PHACTR1: variants seen among roughly 807,000 people sequenced by gnomAD.
PHACTR1 encodes the protein RPEL repeat containing 1.
Under a neutral mutation model 69.2 loss-of-function variants are expected in PHACTR1, and 16 were observed. That is an observed-to-expected ratio of 0.23 (90% CI 0.16 to 0.35). PHACTR1 has a LOEUF of 0.35. Among genes scored for constraint, PHACTR1 ranks in the 10% least tolerant of loss-of-function variants. The pLI is 1.00. For missense variants in PHACTR1, 510 were observed against 734.7 expected (o/e 0.69, Z 3.54); for synonymous variants, 312 against 284.5 (o/e 1.10, Z -0.97).
intron 4 of PHACTR1, among the ~76,000 whole-genome samples, chr6:13,022,967 A>AGAT (rs756451735): frequency 2.6e-4 from 40 of 152,228 alleles, no homozygotes; most frequent in South Asian, 1.2e-3. Flanking sequence ...CAGTGAGCTG[A>AGAT]GATCACACCA....
At chr6:13,113,236 T>A (rs1216233040) in intron 5 of PHACTR1, among the ~76,000 whole-genome samples, 2 of 152,112 alleles carry the variant, frequency 1.3e-5, no homozygotes, top group Non-Finnish European at 2.9e-5. Context: ...GAAATAAATT[T>A]TTAGTAAAAG....
intron 4 of PHACTR1, among the ~76,000 whole-genome samples, chr6:12,804,633 G>A (rs1213479030): frequency 3.3e-5 from 5 of 152,124 alleles, no homozygotes; most frequent in Non-Finnish European, 7.4e-5. Context: ...ATGAGCTTGG[G>A]CAACATGGCG....
chr6:12,964,173 A>T (rs888233141), intron 4 of PHACTR1, among the ~76,000 whole-genome samples: 5 of 152,342 alleles, frequency 3.3e-5, no homozygotes, highest in Non-Finnish European at 5.9e-5. Flanking sequence ...AGCATTTATT[A>T]TCTACTGTTC....
At chr6:12,850,477 C>T (rs955409819) in intron 4 of PHACTR1, among the ~76,000 whole-genome samples, 1 of 152,202 alleles carries the variant, frequency 6.6e-6, no homozygotes, top group Admixed American at 6.5e-5. Context: ...AACTTTACTT[C>T]TTCATCATTT....
chr6:12,985,257 C>T (rs1462228953), intron 4 of PHACTR1, among the ~76,000 whole-genome samples: 1 of 123,902 alleles, frequency 8.1e-6, no homozygotes, highest in East Asian at 2.0e-4. Context: ...GTTCAATTTT[C>T]TCGAACCATA....
rs374759920 is a variant in PHACTR1 at position 13,141,111 on chromosome 6, G to A, written c.416-19093G>A. Reference sequence around the variant, plus strand: ...AGTATGCCAGAAAGAAAAAGAAAATGGGTTTGACAGTTTGCATTTGCCTTT... The same window carrying A: ...AGTATGCCAGAAAGAAAAAGAAAATAGGTTTGACAGTTTGCATTTGCCTTT... On this transcript the variant is annotated intron_variant, in intron 5 of 14. Transcript: ENST00000332995. Among the ~76,000 whole-genome samples the A allele has an allele frequency of 2.6e-5, 4 of 152,276 alleles. No individual in the cohort carries two copies. The East Asian group carries it at 7.7e-4, about 29-fold the overall frequency.
intron 5 of PHACTR1, among the ~76,000 whole-genome samples, chr6:13,136,894 A>G (rs1384755098): frequency 6.6e-6 from 1 of 152,210 alleles, no homozygotes; most frequent in Non-Finnish European, 1.5e-5. Flanking sequence ...AACGATTACA[A>G]TAGTAACATC....
At chr6:13,225,435 C>G (rs1256469237) in intron 8 of PHACTR1, among the ~76,000 whole-genome samples, 2 of 152,160 alleles carry the variant, frequency 1.3e-5, no homozygotes, top group Non-Finnish European at 2.9e-5. Flanking sequence ...TAGCATGGTA[C>G]CTGGTACCTT....
chr6:12,833,937 C>T (rs924114742), intron 4 of PHACTR1, among the ~76,000 whole-genome samples: 2 of 152,066 alleles, frequency 1.3e-5, no homozygotes, highest in Admixed American at 6.6e-5. Context: ...AGTGGTCTTC[C>T]CTGATTATCC....
At chr6:12,738,406 T>C (rs1458576386) in intron 3 of PHACTR1, among the ~76,000 whole-genome samples, 1 of 152,238 alleles carries the variant, frequency 6.6e-6, no homozygotes, top group Non-Finnish European at 1.5e-5. Flanking sequence ...GGGGAAACTT[T>C]AAGGCCATGA....
intron 4 of PHACTR1, among the ~76,000 whole-genome samples, chr6:13,045,130 T>C (rs1409061733): frequency 6.6e-6 from 1 of 152,238 alleles, no homozygotes; most frequent in Non-Finnish European, 1.5e-5. Context: ...TGAGGAGACA[T>C]TCTTGCAAAT....
intron 8 of PHACTR1, among the ~76,000 whole-genome samples, chr6:13,207,755 T>C (rs1386141937): frequency 6.6e-6 from 1 of 152,198 alleles, no homozygotes; most frequent in Non-Finnish European, 1.5e-5. Context: ...GACTGTGAGC[T>C]GAATGCTTGT....
At chr6:13,205,539 G>T (rs1765778946) in intron 7 of PHACTR1, among the ~76,000 whole-genome samples, 1 of 152,184 alleles carries the variant, frequency 6.6e-6, no homozygotes, top group South Asian at 2.1e-4. Context: ...CACTATCTGG[G>T]CCGCTCCCAA....
At chr6:13,278,406 C>G in intron 12 of PHACTR1, 77 bp downstream of exon 12, 1 of 1,377,736 alleles carries the variant, frequency 7.3e-7, no homozygotes, top group East Asian at 2.5e-5. Context: ...CTGCTGGCCT[C>G]AGTGGCCTCA....
At chr6:12,717,348 T>C (rs910461614) in intron 1 of PHACTR1, among the ~76,000 whole-genome samples, 161 bp from the exon 2 acceptor site, 1 of 152,122 alleles carries the variant, frequency 6.6e-6, no homozygotes, top group African/African-American at 2.4e-5. Context: ...AAATAAACAA[T>C]GAAGACATAA....
At chr6:12,799,017 A>C (rs1163625279) in intron 4 of PHACTR1, among the ~76,000 whole-genome samples, 1 of 151,682 alleles carries the variant, frequency 6.6e-6, no homozygotes, top group East Asian at 1.9e-4. Flanking sequence ...GAAGATCTCT[A>C]GGTAGCAAAT....
At chr6:13,038,048 G>A (rs1399487959) in intron 4 of PHACTR1, among the ~76,000 whole-genome samples, 1 of 152,152 alleles carries the variant, frequency 6.6e-6, no homozygotes, top group East Asian at 1.9e-4. Context: ...GTGAAGATGA[G>A]GTGCCTATGA....
At chr6:13,015,429 A>G (rs1582973451) in intron 4 of PHACTR1, among the ~76,000 whole-genome samples, 1 of 152,148 alleles carries the variant, frequency 6.6e-6, no homozygotes, top group African/African-American at 2.4e-5. Flanking sequence ...ACTGACTGAC[A>G]TGTGTTGGTT....
intron 5 of PHACTR1, among the ~76,000 whole-genome samples, chr6:13,159,659 T>C (rs1223541): frequency 0.77 from 117,267 of 152,224 alleles, 45,271 homozygotes; most frequent in East Asian, 0.92. Context: ...ACGCCTACCT[T>C]GGCTGGGCAC....
Sources: allele counts gnomAD v4.1 joint callset (sites outside exome capture counted in the v4.1 genomes callset), GRCh38; gene constraint gnomAD v4.1.1; transcripts MANE v1.5; gene names NCBI Gene and HGNC (gene_info 2026-07-23, HGNC 2026-07-21).